ITIH5: variants seen among roughly 807,000 people sequenced by gnomAD.
ITIH5 encodes the protein inter-alpha-trypsin inhibitor heavy chain H5.
Under a neutral mutation model 77.5 loss-of-function variants are expected in ITIH5, and 65 were observed. That is an observed-to-expected ratio of 0.84 (90% CI 0.69 to 1.03). The LOEUF is 1.03. ITIH5 is among the 50% of genes least tolerant of loss of function. The pLI, the probability that ITIH5 is intolerant of heterozygous loss-of-function variation, is 0.00. For missense variants in ITIH5, 1,208 were observed against 1,213.1 expected, an observed-to-expected ratio of 1.00 and a Z score of 0.06; for synonymous variants, 525 against 494.3, an observed-to-expected ratio of 1.06 and a Z score of -0.82.
intron 7 of ITIH5, among the ~76,000 whole-genome samples, chr10:7,615,045 C>T (rs1427390995): frequency 6.6e-6 from 1 of 152,048 alleles, no homozygotes; most frequent in African/African-American, 2.4e-5. Flanking sequence ...TCAGGAGTTC[C>T]AGACCAGCCT....
Position 7,619,640 on chromosome 10 carries a change from A to G in ITIH5, c.653-2358T>C, listed in dbSNP as rs925327114. 6.3e-5 allele frequency: 23 copies of G among 363,668 alleles called. No homozygotes were observed. In the Admixed American group the frequency reaches 6.5e-4, roughly 10 times the overall value. The allele number at this position is 363,668 out of a possible 1,614,324, so 22.5% of individuals were successfully genotyped here. ...ACAATCACGCAGAAGGCAAACGCAA[A>G]GCGAACACGTCTACAAGGCGGCAGG... is the stretch of plus-strand genomic sequence containing the variant. On this transcript the variant is annotated intron_variant, in intron 5 of 13. Coordinates refer to ENST00000397146, the MANE Select transcript of ITIH5 (RefSeq NM_030569.7).
intron 7 of ITIH5, among the ~76,000 whole-genome samples, chr10:7,591,022 G>A (rs184616863): frequency 2.6e-5 from 4 of 152,224 alleles, no homozygotes; most frequent in South Asian, 2.1e-4. Context: ...TCAGCCTCCC[G>A]CGTAGCTGGG....
intron 2 of ITIH5, among the ~76,000 whole-genome samples, chr10:7,653,892 CGCCTGTAATCCCAACACTTTGGGAG>C (rs960530288): frequency 2.0e-4 from 31 of 152,148 alleles, no homozygotes; most frequent in African/African-American, 7.0e-4. Flanking sequence ...CAGTGGCTCA[CGCCTGTAATCCCAACACTTTGGGAG>C]GCCGAGGTGG....
intron 13 of ITIH5, among the ~76,000 whole-genome samples, chr10:7,565,203 CAT>C (rs1356037689): frequency 2.3e-5 from 3 of 129,726 alleles, no homozygotes; most frequent in South Asian, 2.5e-4. Flanking sequence ...TATACACACA[CAT>C]ACACACACAT....
chr10:7,619,882 A>G (rs1833445131), intron 5 of ITIH5: 2 of 153,464 alleles, frequency 1.3e-5, no homozygotes, highest in African/African-American at 4.8e-5. Flanking sequence ...TAACTATATA[A>G]AATAGAAGGA....
At chr10:7,624,669 T>TTA (rs1833529267) in intron 5 of ITIH5, among the ~76,000 whole-genome samples, 3 of 143,414 alleles carry the variant, frequency 2.1e-5, no homozygotes, top group Admixed American at 7.1e-5. Flanking sequence ...AATACAAAAA[T>TTA]GAGCTACTAA....
At chr10:7,614,057 T>C (rs1407461366) in intron 7 of ITIH5, among the ~76,000 whole-genome samples, 1 of 152,230 alleles carries the variant, frequency 6.6e-6, no homozygotes, top group African/African-American at 2.4e-5. Flanking sequence ...CATCATTCGA[T>C]GACTGCCAGT....
At position 7,627,827 on chromosome 10, in the gene ITIH5, C is replaced by CTTTTTTTTTTTTT. The variant is rs869139058; in HGVS notation, c.652+9388_652+9400dup. 2.5e-4 allele frequency among the ~76,000 whole-genome samples: 23 copies of CTTTTTTTTTTTTT among 90,838 alleles called. 2 individuals are homozygous for CTTTTTTTTTTTTT. Among genetic ancestry groups the CTTTTTTTTTTTTT allele is most frequent in the African/African-American group, 1.1e-3 (23 of 20,260 alleles). 59.6% of individuals were successfully genotyped at this position (90,838 alleles called of 152,430 possible). A position where few individuals can be genotyped will look rare whatever the true frequency, so the allele number is the denominator to read the frequency against. On this transcript the variant is annotated intron_variant, in intron 5 of 13. Coordinates refer to ENST00000397146, the MANE Select transcript of ITIH5 (RefSeq NM_030569.7). Reference sequence around the variant, plus strand: ...GAATCTCACAGAACATGAAATTAACCTTTTTTTTTTTTTTTTTTTTTTTTT... The same window carrying CTTTTTTTTTTTTT: ...GAATCTCACAGAACATGAAATTAACCTTTTTTTTTTTTTTTTTTTTTTTTTTTTTTTTTTTTTT...
At chr10:7,632,376 T>A (rs965934568) in intron 5 of ITIH5, among the ~76,000 whole-genome samples, 1 of 152,164 alleles carries the variant, frequency 6.6e-6, no homozygotes, top group East Asian at 1.9e-4. Flanking sequence ...ACCCTGATGA[T>A]GGTTGTACAA....
Position 7,666,825 on chromosome 10 carries a change from C to G in ITIH5, c.68G>C (p.Ser23Thr). 7 of 1,609,244 alleles carry G rather than the reference C, an allele frequency of 4.3e-6. No individual in the cohort carries two copies. The South Asian group carries it at 7.7e-5, about 18-fold the overall frequency. ...TACCTGCTCCGAAGAGTGGCCCCAGCTCTGCGCCTCTTCCTGCGACCCCAC... is the reference window on the plus strand; with the variant it reads ...TACCTGCTCCGAAGAGTGGCCCCAGGTCTGCGCCTCTTCCTGCGACCCCAC... ...LCVGSQEEAQ[S>T]WGHSSEQDGL... The change falls in exon 1 of 14, where the codon AGC becomes ACC. Residue 23 changes from serine (S) to threonine (T), a missense_variant. Physicochemically the swap from Ser to Thr is moderately conservative, Grantham distance 58 (BLOSUM62 1). Coordinates refer to ENST00000397146, the MANE Select transcript of ITIH5 (RefSeq NM_030569.7).
Position 7,567,143 on chromosome 10 carries a change from G to C in ITIH5, c.2150-736C>G, listed in dbSNP as rs147482824. 2.5e-3 allele frequency among the ~76,000 whole-genome samples: 382 copies of C among 151,924 alleles called. 4 individuals carry two copies. The highest frequency in any genetic ancestry group is 8.6e-3 in the African/African-American group (355 of 41,472). ...GTTGGGATAGGGGAGAGAGGATGTA[G>C]TTTTGGGTCAAGATATCGTAGATGG... On this transcript the variant is annotated intron_variant, in intron 12 of 13. Transcript: ENST00000397146.
chr10:7,652,766 A>G (rs189846495), intron 2 of ITIH5, among the ~76,000 whole-genome samples: 42 of 152,326 alleles, frequency 2.8e-4, no homozygotes, highest in Non-Finnish European at 4.9e-4. Flanking sequence ...AAGAAAGTTA[A>G]TAAATGATAG....
intron 3 of ITIH5, 118 bp from the exon 4 acceptor site, chr10:7,640,973 A>G (rs1302088227): frequency 2.6e-6 from 2 of 769,080 alleles, no homozygotes; most frequent in Non-Finnish European, 4.6e-6. Flanking sequence ...GATGTGTAGA[A>G]AGAATGCATT....
Position 7,576,648 on chromosome 10 carries a change from C to T in ITIH5, c.1783G>A (p.Glu595Lys). The part of the protein sequence containing the change: ...LLSSWLQSDD[E>K]PEKERLRQRA... ...TGCCGCAGCCGCTCCTTCTCCGGTT[C>T]ATCGTCACTTTGCAGCCAGGAGCTC... The change falls in exon 10 of 14, where the codon GAA becomes AAA. Residue 595 changes from glutamate (E) to lysine (K), a missense_variant. Glu to Lys is a moderately conservative substitution (Grantham distance 56). Coordinates refer to ENST00000397146, the MANE Select transcript of ITIH5 (RefSeq NM_030569.7). The T allele has an allele frequency of 1.2e-6, 2 of 1,614,196 alleles. No individual in the cohort carries two copies. The highest frequency in any genetic ancestry group is 1.7e-6 in the Non-Finnish European group (2 of 1,180,032).
intron 7 of ITIH5, among the ~76,000 whole-genome samples, chr10:7,591,533 A>G (rs10905198): frequency 0.39 from 59,917 of 152,054 alleles, 12,724 homozygotes; most frequent in East Asian, 0.77. Flanking sequence ...CCAGCTACAC[A>G]ATGTCCACGC....
intron 2 of ITIH5, among the ~76,000 whole-genome samples, chr10:7,649,120 C>T (rs777076960): frequency 2.0e-4 from 31 of 152,046 alleles, no homozygotes; most frequent in African/African-American, 6.8e-4. Context: ...ATTGTAAACA[C>T]GAAGAACAGA....
chr10:7,588,551 C>A (rs961861035), intron 7 of ITIH5, among the ~76,000 whole-genome samples: 2 of 152,176 alleles, frequency 1.3e-5, no homozygotes, highest in Non-Finnish European at 2.9e-5. Flanking sequence ...ACATTATATT[C>A]TTTTCTGTAG....
chr10:7,619,558 GA>G, intron 5 of ITIH5: 1 of 368,946 alleles, frequency 2.7e-6, no homozygotes, highest in Non-Finnish European at 5.6e-6. Context: ...AGTTTATACA[GA>G]AAAGAGGTTT....
intron 2 of ITIH5, among the ~76,000 whole-genome samples, chr10:7,651,323 C>T (rs1834096744): frequency 6.6e-6 from 1 of 152,164 alleles, no homozygotes; most frequent in South Asian, 2.1e-4. Context: ...GTGGCTCACG[C>T]CTGTAATCCC....
Sources: gnomAD v4.1 joint callset for allele counts (sites outside exome capture counted in the v4.1 genomes callset) on GRCh38, gnomAD v4.1.1 for gene constraint, MANE v1.5 for transcripts, NCBI Gene and HGNC (gene_info 2026-07-23, HGNC 2026-07-21) for gene names.